Variants in DAPK3 observed in about 807,000 individuals in gnomAD.
DAPK3 encodes the protein death-associated protein kinase 3.
A neutral mutation model predicts 30.6 loss-of-function variants in DAPK3; 24 were observed. The ratio of observed to expected loss-of-function variants is 0.78; its 90% CI spans 0.57 to 1.10. The LOEUF is 1.10. Among genes scored for constraint, DAPK3 ranks in the 50% least tolerant of loss-of-function variants. The pLI is 0.00. For missense variants in DAPK3, 629 were observed against 657.3 expected (o/e 0.96, Z 0.47); for synonymous variants, 341 against 284.0 (o/e 1.20, Z -2.02).
At position 3,959,486 on chromosome 19, in the gene DAPK3, T is replaced by G. The variant is rs1385491386; in HGVS notation, c.980A>C (p.Lys327Thr). 2 of 1,553,728 alleles carry G rather than the reference T, an allele frequency of 1.3e-6. No homozygotes were observed. The change falls in exon 9 of 9, where the codon AAG (lysine) becomes ACG (threonine). Residue 327 changes from lysine to threonine, a missense_variant. Coordinates refer to ENST00000545797, the MANE Select transcript of DAPK3 (RefSeq NM_001348.3). ...GGCGGCCGCCGCCTCCTCCAGCACC[T>G]TGGAGAAGCGCTCGAAGTCGGCGTA... ...NSYADFERFSKVLEEAAAAEE... is the reference protein window; with the variant it reads ...NSYADFERFSTVLEEAAAAEE...
chr19:3,969,137 A>ATT (rs879921986), intron 2 of DAPK3, among the ~76,000 whole-genome samples: 7 of 146,276 alleles, frequency 4.8e-5, no homozygotes, highest in East Asian at 2.0e-4. Flanking sequence ...ACACAGGGAG[A>ATT]TTTTTTTTTT....
At position 3,958,567 on chromosome 19, in the gene DAPK3, C is replaced by T. The variant is rs1334150558; in HGVS notation, c.*534G>A. On this transcript the variant is annotated 3_prime_UTR_variant, in exon 9 of 9. Transcript: ENST00000545797. ...AGTCCGCAGCAGGGCACCCCACACC[C>T]GGGGGACCGGCCTCGGCGAGAAGGG... The T allele has an allele frequency of 6.6e-6, 3 of 455,040 alleles. No homozygotes were observed. Among genetic ancestry groups the T allele is most frequent in the Non-Finnish European group, 1.3e-5 (3 of 226,936 alleles). The allele number at this position is 455,040 out of a possible 1,614,324, so 28.2% of individuals were successfully genotyped here.
At chr19:3,960,794 A>G (rs1221030587) in intron 7 of DAPK3, among the ~76,000 whole-genome samples, 1 of 42,456 alleles carries the variant, frequency 2.4e-5, no homozygotes, top group Non-Finnish European at 5.1e-5. Context: ...AAAAAAAAAG[A>G]CTCCGTCTCA....
At chr19:3,959,761 A>G in intron 8 of DAPK3, 124 bp from the exon 9 acceptor site, 2 of 1,141,214 alleles carry the variant, frequency 1.8e-6, no homozygotes, top group Non-Finnish European at 2.4e-6. Flanking sequence ...CTCGTGACGG[A>G]GACTGCCCAG....
At position 3,961,116 on chromosome 19, in the gene DAPK3, C is replaced by T. The variant is rs758470190; in HGVS notation, c.675G>A (p.Thr225=). The T allele has an allele frequency of 3.7e-6, 6 of 1,613,464 alleles. No homozygotes were observed. The highest frequency in any genetic ancestry group is 2.2e-5 in the South Asian group (2 of 91,072). ...AGTTCACGGCTGAGATGTTGGTGAG[C>T]GTCTCCTGCTTGGTCTCGCCCAGGA... ...SPFLGETKQE[T]LTNISAVNYD... The change falls in exon 7 of 9, where the codon ACG becomes ACA. Residue 225 remains threonine, a synonymous_variant. Transcript: ENST00000545797.
Position 3,963,679 on chromosome 19 carries a change from G to A in DAPK3, c.603-10C>T, listed in dbSNP as rs751992730. ...GATGACACCGATGCTCCTGGGGACA[G>A]ACAAGAGGCAAGGGTCAGCGCAGCG... On this transcript the variant is annotated splice_polypyrimidine_tract_variant and intron_variant, in intron 5 of 8. Coordinates refer to ENST00000545797, the MANE Select transcript of DAPK3 (RefSeq NM_001348.3). The A allele has an allele frequency of 5.9e-6, 9 of 1,536,214 alleles. No individual in the cohort carries two copies. The African/African-American group carries it at 6.9e-5, about 12-fold the overall frequency.
Position 3,959,438 on chromosome 19 carries a change from T to C in DAPK3, c.1028A>G (p.Gln343Arg). 6.5e-7 allele frequency: 1 copy of C among 1,549,802 alleles called. No homozygotes were observed. The highest frequency in any genetic ancestry group is 8.7e-7 in the Non-Finnish European group (1 of 1,154,302). Residue 343 changes from glutamine (Q) to arginine (R), a missense_variant, in exon 9 of 9, where the codon CAG (glutamine) becomes CGG (arginine). Physicochemically the swap from Gln to Arg is conservative, Grantham distance 43 (BLOSUM62 1). Transcript: ENST00000545797. ...CTCGTGGCAGAGCCGCCGGCTGCGC[T>C]GCAGCTCGCGCAGGCCCTCCTCGGC... ...AAAEEGLREL[Q>R]RSRRLCHEDV...
intron 7 of DAPK3, among the ~76,000 whole-genome samples, chr19:3,960,761 G>T (rs1433441357): frequency 8.0e-6 from 1 of 125,742 alleles, no homozygotes; most frequent in Non-Finnish European, 1.6e-5. Context: ...TCCAGCCTGG[G>T]AGACAGAGCA....
chr19:3,959,330 C>T lies in DAPK3; in HGVS notation c.1136G>A (p.Arg379Gln). ...EESDSLGQDL[R>Q]RLRQELLKTE... ...CTTGAGCAGCTCCTGCCGTAGCCTC[C>T]GCAGGTCCTGGCCCAGGCTGTCGCT... The change falls in exon 9 of 9, where the codon CGG becomes CAG. Residue 379 changes from arginine (R) to glutamine (Q), a missense_variant. By Grantham distance (43) the Arg-to-Gln change is conservative (BLOSUM62 1). This residue lies in a region of DAPK3 where 323 missense variants were observed against 278.8 expected (regional missense o/e 1.16). Coordinates refer to ENST00000545797, the MANE Select transcript of DAPK3 (RefSeq NM_001348.3). 6.3e-7 allele frequency: 1 copy of T among 1,591,652 alleles called. No homozygotes were observed. Among genetic ancestry groups the T allele is most frequent in the Non-Finnish European group, 8.5e-7 (1 of 1,176,092 alleles).
At chr19:3,964,500 C>T in intron 3 of DAPK3, 127 bp from the exon 4 acceptor site, 2 of 1,184,480 alleles carry the variant, frequency 1.7e-6, no homozygotes, top group Non-Finnish European at 2.3e-6. Flanking sequence ...CACCCCCACG[C>T]TCCCCAAACC....
chr19:3,970,416 G>A (rs1189687064), intron 1 of DAPK3, among the ~76,000 whole-genome samples: 2 of 152,012 alleles, frequency 1.3e-5, no homozygotes, highest in African/African-American at 4.8e-5. Context: ...AAATTCCCAA[G>A]TTACTACCTT....
intron 2 of DAPK3, among the ~76,000 whole-genome samples, chr19:3,965,946 A>C (rs998010441): frequency 7.2e-5 from 11 of 151,728 alleles, no homozygotes; most frequent in Admixed American, 2.6e-4. Context: ...ACACTACCAC[A>C]CCTGATTTAT....
intron 4 of DAPK3, 81 bp downstream of exon 4, chr19:3,964,163 G>A (rs1471185300): frequency 1.7e-5 from 22 of 1,284,348 alleles, no homozygotes; most frequent in East Asian, 1.5e-4. Context: ...ACCCAGCACC[G>A]GGCATGACCC....
intron 6 of DAPK3, 165 bp from the exon 7 acceptor site, chr19:3,961,326 C>T (rs2039508965): frequency 6.8e-6 from 5 of 737,684 alleles, no homozygotes; most frequent in Middle Eastern, 2.3e-4. Flanking sequence ...CGATCCCAGA[C>T]ACCACCCAAG....
At chr19:3,959,831 T>C (rs2039484697) in intron 8 of DAPK3, 194 bp from the exon 9 acceptor site, 1 of 688,558 alleles carries the variant, frequency 1.5e-6, no homozygotes, top group Non-Finnish European at 2.4e-6. Flanking sequence ...GCCCCAGGAG[T>C]CAGCCCCGTT....
In DAPK3 at chr19:3,959,362, G is replaced by A. The variant is rs1252563519; in HGVS notation, c.1104C>T (p.Arg368=). The change falls in exon 9 of 9, where the codon CGC becomes CGT. Residue 368 remains arginine (R), a synonymous_variant. Transcript: ENST00000545797. ...CCTGGCCCAGGCTGTCGCTCTCCTC[G>A]CGGTACCAGGCCTCCTTCTCCTCGT... is the stretch of plus-strand genomic sequence containing the variant. ...AIYEEKEAWY[R]EESDSLGQDL... 3.8e-6 allele frequency: 6 copies of A among 1,582,896 alleles called. No homozygotes were observed. The highest frequency in any genetic ancestry group is 1.3e-5 in the African/African-American group (1 of 74,654).
chr19:3,968,015 TG>T lies in DAPK3; in HGVS notation c.62+1658del, dbSNP rs1457025968. 5.9e-5 allele frequency among the ~76,000 whole-genome samples: 9 copies of T among 152,288 alleles called. No individual in the cohort carries two copies. In the East Asian group the frequency reaches 1.4e-3, roughly 23 times the overall value. On this transcript the variant is annotated intron_variant, in intron 2 of 8. Coordinates refer to ENST00000545797, the MANE Select transcript of DAPK3 (RefSeq NM_001348.3). Reference sequence around the variant, plus strand: ...TATGAATTTCTGTTTGTTTGAGAGATGGGGGTCAACTTATGTTGCCCAGGCT... The same window carrying T: ...TATGAATTTCTGTTTGTTTGAGAGATGGGGTCAACTTATGTTGCCCAGGCT...
chr19:3,964,899 C>A lies in DAPK3; in HGVS notation c.155G>T (p.Ser52Ile), dbSNP rs199653811. The A allele has an allele frequency of 4.2e-5, 68 of 1,611,972 alleles. No individual in the cohort carries two copies. The highest frequency in any genetic ancestry group is 5.3e-5 in the Non-Finnish European group (63 of 1,178,266). ...KFIKKRRLSS[S>I]RRGVSREEIE... Reference sequence around the variant, plus strand: ...CTCCTCCCGGCTCACCCCACGCCGGCTGGATGACAGGCGGCGCTTCTTGAT... The same window carrying A: ...CTCCTCCCGGCTCACCCCACGCCGGATGGATGACAGGCGGCGCTTCTTGAT... The change falls in exon 3 of 9, where the codon AGC becomes ATC. Residue 52 changes from serine (S) to isoleucine (I), a missense_variant. Physicochemically the swap from Ser to Ile is moderately radical, Grantham distance 142. Transcript: ENST00000545797.
In DAPK3 at chr19:3,959,055, C is replaced by T. The variant is rs1055599228; in HGVS notation, c.*46G>A. Reference sequence around the variant, plus strand: ...GCGTCCACAGGAAGCGCCCCCACCGCAGGCCGAGCTCCGGCTGTCCTGGGG... The same window carrying T: ...GCGTCCACAGGAAGCGCCCCCACCGTAGGCCGAGCTCCGGCTGTCCTGGGG... On this transcript the variant is annotated 3_prime_UTR_variant, in exon 9 of 9. Coordinates refer to ENST00000545797, the MANE Select transcript of DAPK3 (RefSeq NM_001348.3). 2.3e-6 allele frequency: 3 copies of T among 1,309,156 alleles called. No homozygotes were observed. The highest frequency in any genetic ancestry group is 2.0e-6 in the Non-Finnish European group (2 of 984,696). The allele number at this position is 1,309,156 out of a possible 1,614,324, so 81.1% of individuals were successfully genotyped here.
Sources: allele counts gnomAD v4.1 joint callset (sites outside exome capture counted in the v4.1 genomes callset), GRCh38; gene constraint gnomAD v4.1.1; regional missense constraint gnomAD v4.1.1; transcripts MANE v1.5; gene names NCBI Gene and HGNC (gene_info 2026-07-23, HGNC 2026-07-21).